The following NDUFAF7 variants were observed in gnomAD, a reference collection of about 807,000 sequenced individuals.
NDUFAF7 encodes NADH:ubiquinone oxidoreductase complex assembly factor 7.
In NDUFAF7, 48 loss-of-function variants were observed where a neutral mutation model predicts 47.2. The observed-to-expected ratio is 1.02, with a 90% CI of 0.81 to 1.29. NDUFAF7 has a LOEUF of 1.29. Among genes scored for constraint, NDUFAF7 ranks in the 50% most tolerant of loss-of-function variants. The pLI, the probability that NDUFAF7 is intolerant of heterozygous loss-of-function variation, is 0.00. For missense variants in NDUFAF7, 635 were observed against 537.6 expected (o/e 1.18, Z -1.79); for synonymous variants, 217 against 190.0 (o/e 1.14, Z -1.17).
At position 37,246,604 on chromosome 2, in the gene NDUFAF7, T is replaced by C. The variant is rs563489389; in HGVS notation, c.936+409T>C. ...AGCTTTTTCTATCATATTTTCAACATTTTTTCCCTTTCCAGATGTATTCTT... is the reference window on the plus strand; with the variant it reads ...AGCTTTTTCTATCATATTTTCAACACTTTTTCCCTTTCCAGATGTATTCTT... On this transcript the variant is annotated intron_variant, in intron 8 of 9. Coordinates refer to ENST00000002125, the MANE Select transcript of NDUFAF7 (RefSeq NM_144736.5). Among the ~76,000 whole-genome samples, 4 of 152,344 alleles carry C rather than the reference T, an allele frequency of 2.6e-5. No individual in the cohort carries two copies. The South Asian group carries it at 8.3e-4, about 32-fold the overall frequency.
chr2:37,269,549 A>C, the NDUFAF7 span: 1 of 1,376,310 alleles, frequency 7.3e-7, no homozygotes, highest in East Asian at 2.3e-5. Context: ...AACAGCTGGC[A>C]GATGTTTTAC....
intron 9 of NDUFAF7, 63 bp downstream of exon 9, chr2:37,247,692 A>C (rs375366103): frequency 1.3e-6 from 2 of 1,575,664 alleles, no homozygotes; most frequent in African/African-American, 2.7e-5. Context: ...ATTACTTTAA[A>C]TAGTATGTTC....
chr2:37,237,350 ACGAGGAAGTAGAATG>A (rs1331858134), intron 3 of NDUFAF7, among the ~76,000 whole-genome samples: 1 of 152,390 alleles, frequency 6.6e-6, no homozygotes, highest in East Asian at 1.9e-4. Flanking sequence ...AATAGTGTAT[ACGAGGAAGTAGAATG>A]TGCGTATCGA....
At chr2:37,253,421 GTTT>G (rs138987723), downstream of NDUFAF7, 1 of 1,308,952 alleles carries the variant, frequency 7.6e-7, no homozygotes, top group Non-Finnish European at 1.0e-6. Context: ...TTTGTTTTGT[GTTT>G]TTTTTTGTTG....
chr2:37,265,092 A>G, the NDUFAF7 span, among the ~76,000 whole-genome samples: 1 of 152,172 alleles, frequency 6.6e-6, no homozygotes, highest in Admixed American at 6.5e-5. Flanking sequence ...GGATGCAGGT[A>G]AAGGTATCAA....
At chr2:37,235,781 A>G (rs1012128260) in intron 2 of NDUFAF7, among the ~76,000 whole-genome samples, 4 of 151,988 alleles carry the variant, frequency 2.6e-5, no homozygotes, top group Non-Finnish European at 5.9e-5. Flanking sequence ...CAGCCTCCCA[A>G]ATAGCTGGGA....
At chr2:37,257,076 A>G (rs559280280), downstream of NDUFAF7, 764 of 958,546 alleles carry the variant, frequency 8.0e-4, 14 homozygotes, top group South Asian at 0.012. Context: ...GAAATTGTAA[A>G]ATATCCTTTT....
At chr2:37,256,097 T>C (rs1321534275), downstream of NDUFAF7, among the ~76,000 whole-genome samples, 1 of 152,136 alleles carries the variant, frequency 6.6e-6, no homozygotes, top group Non-Finnish European at 1.5e-5. Flanking sequence ...CAGGGAACTT[T>C]ATAGATGAGC....
chr2:37,249,659 C>T (rs1449495544), downstream of NDUFAF7, among the ~76,000 whole-genome samples: 1 of 150,770 alleles, frequency 6.6e-6, no homozygotes, highest in Non-Finnish European at 1.5e-5. Flanking sequence ...CACACACACA[C>T]ACACACACAC....
chr2:37,232,225 G>A lies in NDUFAF7; in HGVS notation c.175G>A (p.Val59Met), dbSNP rs1171518325. The change falls in exon 2 of 10, where the codon GTG (valine) becomes ATG (methionine). Residue 59 changes from valine (V) to methionine (M), a missense_variant. Transcript: ENST00000002125. ...AATAAAGTCTACTGGTCCCATCACT[G>A]TGGCCGAGTACATGAAGGAGGTGTT... ...YKIKSTGPIT[V>M]AEYMKEVLTN... 3.1e-6 allele frequency: 5 copies of A among 1,613,660 alleles called. No individual in the cohort carries two copies. In the African/African-American group the frequency reaches 5.3e-5, roughly 17 times the overall value.
downstream of NDUFAF7, chr2:37,256,997 AT>A: frequency 6.7e-7 from 1 of 1,493,646 alleles, no homozygotes; most frequent in South Asian, 1.2e-5. Context: ...GTCCCTAAAT[AT>A]AACACTGTAT....
chr2:37,237,796 G>A lies in NDUFAF7; in HGVS notation c.337G>A (p.Gly113Arg). ...GTTCATTAGTGAATGGATGGCCACT[G>A]GAAAAAGCACAGCTTTCCAGCTGGT... ...IWFISEWMAT[G>R]KSTAFQLVEL... is the part of the protein sequence containing the mutation. The change falls in exon 4 of 10, where the codon GGA becomes AGA. Residue 113 changes from glycine to arginine, a missense_variant. Gly to Arg is a moderately radical substitution (Grantham distance 125, BLOSUM62 -2). Transcript: ENST00000002125. 1 of 1,613,660 alleles carries A rather than the reference G, an allele frequency of 6.2e-7. No homozygotes were observed. The highest frequency in any genetic ancestry group is 8.5e-7 in the Non-Finnish European group (1 of 1,179,738).
chr2:37,260,517 A>T, the NDUFAF7 span: 6 of 822,018 alleles, frequency 7.3e-6, no homozygotes, highest in Non-Finnish European at 5.8e-6. Flanking sequence ...ACAAAATAAA[A>T]ATTACAATCA....
chr2:37,250,489 T>A (rs1240239857), downstream of NDUFAF7: 2 of 152,170 alleles, frequency 1.3e-5, no homozygotes, highest in Non-Finnish European at 1.5e-5. Context: ...GACCTCCAGA[T>A]AATCAACTCA....
chr2:37,261,470 G>C, the NDUFAF7 span, among the ~76,000 whole-genome samples: 1 of 146,574 alleles, frequency 6.8e-6, no homozygotes, highest in South Asian at 2.2e-4. Context: ...CTGGGAGACA[G>C]AGCGAGACTT....
chr2:37,247,736 C>G, intron 9 of NDUFAF7, 107 bp downstream of exon 9: 3 of 1,307,016 alleles, frequency 2.3e-6, no homozygotes, highest in Non-Finnish European at 3.3e-6. Flanking sequence ...TTAGCCAATC[C>G]TTGGTATTCC....
chr2:37,246,142 G>T lies in NDUFAF7; in HGVS notation c.883G>T (p.Ala295Ser), dbSNP rs770507335. 1.2e-6 allele frequency: 2 copies of T among 1,613,882 alleles called. No individual in the cohort carries two copies. Among genetic ancestry groups the T allele is most frequent in the Middle Eastern group, 3.3e-4 (2 of 6,058 alleles). ...LSQRIALTGG[A>S]ALVADYGHDG... Reference sequence around the variant, plus strand: ...TCAACGCATTGCATTAACTGGAGGTGCTGCACTGGTTGCTGATTATGGTCA... The same window carrying T: ...TCAACGCATTGCATTAACTGGAGGTTCTGCACTGGTTGCTGATTATGGTCA... Residue 295 changes from alanine to serine, a missense_variant, in exon 8 of 10, where the codon GCT becomes TCT. Ala to Ser is a moderately conservative substitution (Grantham distance 99). Coordinates refer to ENST00000002125, the MANE Select transcript of NDUFAF7 (RefSeq NM_144736.5).
chr2:37,243,859 T>G lies in NDUFAF7; in HGVS notation c.682-4T>G. 6.2e-7 allele frequency: 1 copy of G among 1,613,352 alleles called. No individual in the cohort carries two copies. Among genetic ancestry groups the G allele is most frequent in the Non-Finnish European group, 8.5e-7 (1 of 1,179,452 alleles). On this transcript the variant is annotated splice_polypyrimidine_tract_variant and splice_region_variant and intron_variant, in intron 6 of 9. Coordinates refer to ENST00000002125, the MANE Select transcript of NDUFAF7 (RefSeq NM_144736.5). ...TTTGTTTTTATGTGTTATTTTGTGT[T>G]TAGAAAACACCACAGGGATGGCGAG...
intron 8 of NDUFAF7, chr2:37,247,231 T>A (rs1008619907): frequency 1.7e-6 from 1 of 580,018 alleles, no homozygotes; most frequent in East Asian, 3.1e-5. Flanking sequence ...CATTTTTTTT[T>A]ATGGCTGTGT....
Sources: gnomAD v4.1 joint callset for allele counts (sites outside exome capture counted in the v4.1 genomes callset) on GRCh38, gnomAD v4.1.1 for gene constraint, MANE v1.5 for transcripts, NCBI Gene and HGNC (gene_info 2026-07-23, HGNC 2026-07-21) for gene names.